KLK4: variants seen among roughly 807,000 people sequenced by gnomAD.
KLK4 encodes the protein kallikrein-4.
In KLK4, 24 loss-of-function variants were observed where a neutral mutation model predicts 24.3. That is an observed-to-expected ratio of 0.99 (90% CI 0.72 to 1.39). The LOEUF is 1.39. KLK4 is among the 40% of genes most tolerant of loss of function. The pLI is 0.00. For missense variants in KLK4, 344 were observed against 327.4 expected, an observed-to-expected ratio of 1.05 and a Z score of -0.39; for synonymous variants, 142 against 138.8, an observed-to-expected ratio of 1.02 and a Z score of -0.16.
chr19:50,907,952 T>A, intron 5 of KLK4: 1 of 313,322 alleles, frequency 3.2e-6, no homozygotes, highest in South Asian at 3.1e-5. Flanking sequence ...CAAAGGTATA[T>A]CATGAATGCA....
intron 5 of KLK4, chr19:50,908,046 G>A (rs544059331): frequency 5.0e-5 from 23 of 458,790 alleles, no homozygotes; most frequent in Middle Eastern, 6.2e-4. Flanking sequence ...GGTTTTTGGG[G>A]AGTCAAAAGT....
At chr19:50,908,526 C>A (rs1322443276) in intron 4 of KLK4, 31 bp from the exon 5 acceptor site, 2 of 1,614,150 alleles carry the variant, frequency 1.2e-6, no homozygotes, top group South Asian at 1.1e-5. Context: ...TCAGCCCCCG[C>A]GACTGGGCAG....
intron 3 of KLK4, 54 bp downstream of exon 3, chr19:50,909,198 T>G: frequency 6.2e-7 from 1 of 1,613,504 alleles, no homozygotes; most frequent in Non-Finnish European, 8.5e-7. Context: ...AGCCTGATAT[T>G]AGGCCCCGCC....
chr19:50,908,387 C>T (rs1460345019), exon 5 of KLK4: 2 of 1,613,884 alleles, frequency 1.2e-6, no homozygotes, highest in African/African-American at 2.7e-5. Flanking sequence ...GTCTTGCCCT[C>T]CGCCGGCGCA....
At chr19:50,908,995 T>C in intron 3 of KLK4, 166 bp from the exon 4 acceptor site, 3 of 1,498,408 alleles carry the variant, frequency 2.0e-6, no homozygotes, top group Non-Finnish European at 1.8e-6. Context: ...TCACAAAAAT[T>C]CAGGGACAAG....
exon 5 of KLK4, chr19:50,908,472 A>T: frequency 6.2e-7 from 1 of 1,614,110 alleles, no homozygotes; most frequent in African/African-American, 1.3e-5. Flanking sequence ...ACGTTCACGC[A>T]CTGCAGCACG....
intron 5 of KLK4, among the ~76,000 whole-genome samples, chr19:50,907,831 T>C (rs1194091945): frequency 6.6e-6 from 1 of 152,214 alleles, no homozygotes; most frequent in Non-Finnish European, 1.5e-5. Flanking sequence ...ACAAGTCCAC[T>C]TATACTTGGA....
In KLK4 at chr19:50,910,845, G is replaced by A. The variant is rs1032204251; in HGVS notation, c.-11-96C>T. 2.7e-6 allele frequency: 3 copies of A among 1,092,586 alleles called. No individual in the cohort carries two copies. Among genetic ancestry groups the A allele is most frequent in the South Asian group, 2.7e-5 (2 of 74,662 alleles). The allele number at this position is 1,092,586 out of a possible 1,614,324, so 67.7% of individuals were successfully genotyped here. ...TCCCTCCCTTTCTTCCCTCTGGGAC[G>A]TTATTAGGTAGGCAAGAGCCTAGAC... On this transcript the variant is annotated intron_variant, in intron 1 of 5. Coordinates refer to ENST00000324041, the Ensembl canonical transcript of KLK4. The surrounding 1 kb of genome is among the most constrained non-coding windows in gnomAD (Gnocchi z 4.4).
Position 50,910,980 on chromosome 19 carries a change from G to C in KLK4, c.-11-231C>G, listed in dbSNP as rs1276634338. Among the ~76,000 whole-genome samples the C allele has an allele frequency of 6.6e-6, 1 of 152,044 alleles. No individual in the cohort carries two copies. Among genetic ancestry groups the C allele is most frequent in the African/African-American group, 2.4e-5 (1 of 41,374 alleles). ...GAAAAGAGAGAGAGAGAGAGAACTAGGTAGAAAGGAAAGTTTAGAGAAAGC... is the reference window on the plus strand; with the variant it reads ...GAAAAGAGAGAGAGAGAGAGAACTACGTAGAAAGGAAAGTTTAGAGAAAGC... On this transcript the variant is annotated intron_variant, in intron 1 of 5. Coordinates refer to ENST00000324041, the Ensembl canonical transcript of KLK4. This position sits in a 1 kb window ranked among gnomAD's most constrained non-coding sequence, Gnocchi z 4.4.
In KLK4 at chr19:50,908,562, C is replaced by G. The variant is rs1414277468; in HGVS notation, c.475+17G>C. ...AGGACCTCCTTGAAGAGGGCAGACA[C>G]ACACCCGTGAGCTCACCGTTCGCCA... is the stretch of plus-strand genomic sequence containing the variant. On this transcript the variant is annotated intron_variant, in intron 4 of 5. Coordinates refer to ENST00000324041, the Ensembl canonical transcript of KLK4. 1 of 1,614,204 alleles carries G rather than the reference C, an allele frequency of 6.2e-7. No individual in the cohort carries two copies. Among genetic ancestry groups the G allele is most frequent in the Non-Finnish European group, 8.5e-7 (1 of 1,180,032 alleles).
exon 6 of KLK4, chr19:50,906,853 A>C (rs2090435034): frequency 6.4e-7 from 1 of 1,563,430 alleles, no homozygotes; most frequent in African/African-American, 1.4e-5. Context: ...CTGAGGGAGG[A>C]GGGGCTGGGA....
chr19:50,908,142 T>C (rs993602029), intron 5 of KLK4: 11 of 629,392 alleles, frequency 1.7e-5, no homozygotes, highest in Middle Eastern at 4.3e-4. Context: ...TGTGTGTGTG[T>C]TTCTGCCTCC....
rs756500260 is a variant in KLK4, at chr19:50,906,948, C to T, written c.751G>A (p.Val251Ile). The T allele has an allele frequency of 1.2e-5, 19 of 1,614,026 alleles. 1 individual carries two copies. The highest frequency in any genetic ancestry group is 1.6e-4 in the Middle Eastern group (1 of 6,084). ...AGTCCCCAGAGTTAACTGGCCTGGA[C>T]GGTTTTCTCTATCCACTCAGTGAAT... The change falls in exon 6 of 6, where the codon GTC (valine) becomes ATC (isoleucine). Residue 251 changes from valine to isoleucine, a missense_variant. Coordinates refer to ENST00000324041, the Ensembl canonical transcript of KLK4.
At chr19:50,906,875 T>C (rs2090435185) in exon 6 of KLK4, 1 of 1,605,726 alleles carries the variant, frequency 6.2e-7, no homozygotes, top group African/African-American at 1.3e-5. Flanking sequence ...CAGATATTCC[T>C]GAATTCCTTC....
At chr19:50,908,722 G>T in exon 4 of KLK4, 1 of 1,614,132 alleles carries the variant, frequency 6.2e-7, no homozygotes, top group Non-Finnish European at 8.5e-7. Flanking sequence ...AGCGAGCAAG[G>T]GTCTGTTGTA....
chr19:50,911,008 C>T (rs1209799169), intron 1 of KLK4, among the ~76,000 whole-genome samples: 1 of 152,130 alleles, frequency 6.6e-6, no homozygotes, highest in African/African-American at 2.4e-5. Flanking sequence ...GAGAAAGCAT[C>T]TAGCCATCTG....
At chr19:50,909,167 C>T (rs78258269) in intron 3 of KLK4, 85 bp downstream of exon 3, 25 of 1,607,882 alleles carry the variant, frequency 1.6e-5, no homozygotes, top group Non-Finnish European at 2.1e-5. Context: ...ACCGCTGTTT[C>T]CCCCTGAGCA....
rs564138405 is a variant in KLK4 at position 50,908,741 on chromosome 19, G to T, written c.313C>A (p.His105Asn). The change falls in exon 4 of 6, where the codon CAC becomes AAC. Residue 105 changes from histidine to asparagine, a missense_variant. Physicochemically the swap from His to Asn is moderately conservative, Grantham distance 68. Coordinates refer to ENST00000324041, the Ensembl canonical transcript of KLK4. ...AGCAAGGGTCTGTTGTACTCTGGGT[G>T]CCGTACGGAGAGGCTGGCCTCCACC... 3.1e-6 allele frequency: 5 copies of T among 1,614,186 alleles called. No homozygotes were observed. The Admixed American group carries it at 5.0e-5, about 16-fold the overall frequency.
chr19:50,910,387 C>T lies in KLK4; in HGVS notation c.61+291G>A, dbSNP rs1262659070. On this transcript the variant is annotated intron_variant, in intron 2 of 5. Transcript: ENST00000324041. This position sits in a 1 kb window ranked among gnomAD's most constrained non-coding sequence, Gnocchi z 4.4. ...CAGGAAGCACAATCTCCTGCACCCTCGGCTTCCCCTGTCCCCATATCATCA... is the reference window on the plus strand; with the variant it reads ...CAGGAAGCACAATCTCCTGCACCCTTGGCTTCCCCTGTCCCCATATCATCA... 4.6e-5 allele frequency among the ~76,000 whole-genome samples: 7 copies of T among 152,156 alleles called. No homozygotes were observed. The highest frequency in any genetic ancestry group is 2.1e-4 in the South Asian group (1 of 4,812).
Sources: allele counts gnomAD v4.1 joint callset (sites outside exome capture counted in the v4.1 genomes callset), GRCh38; gene constraint gnomAD v4.1.1; non-coding constraint Gnocchi (gnomAD v3.1); transcripts MANE v1.5; gene names NCBI Gene and HGNC (gene_info 2026-07-23, HGNC 2026-07-21).